The following ABR variants were observed in gnomAD, a reference collection of about 807,000 sequenced individuals.
ABR encodes active breakpoint cluster region-related protein.
A neutral mutation model predicts 107.2 loss-of-function variants in ABR; 35 were observed. That is an observed-to-expected ratio of 0.33 (90% CI 0.25 to 0.43). The LOEUF (loss-of-function observed/expected upper bound fraction) is 0.43, where lower values mean the gene tolerates loss of function less well. Ranked by LOEUF, ABR falls within the 20% of genes least tolerant of loss-of-function variation. The pLI is 1.00. For synonymous variants in ABR, 498 were observed against 462.0 expected (o/e 1.08, Z -1.00); for missense variants, 815 against 1,115.2 (o/e 0.73, Z 3.83).
upstream of ABR, among the ~76,000 whole-genome samples, chr17:1,190,099 G>A (rs1229671352): frequency 6.6e-6 from 1 of 152,134 alleles, no homozygotes; most frequent in Non-Finnish European, 1.5e-5. Context: ...TGGGATTTGG[G>A]GTGGGAGAAT....
intron 16 of ABR, among the ~76,000 whole-genome samples, chr17:1,019,249 C>G (rs2071436624): frequency 6.6e-6 from 1 of 152,232 alleles, no homozygotes; most frequent in African/African-American, 2.4e-5. Context: ...TCCAGAGAGC[C>G]TTCTCGGAGA....
At chr17:1,170,944 A>G (rs2041688062) in intron 1 of ABR, among the ~76,000 whole-genome samples, 2 of 152,136 alleles carry the variant, frequency 1.3e-5, no homozygotes, top group African/African-American at 4.8e-5. Context: ...GCACTCTTGC[A>G]TAGCACACAC....
At chr17:1,031,394 C>T (rs2072731995) in intron 16 of ABR, among the ~76,000 whole-genome samples, 1 of 152,198 alleles carries the variant, frequency 6.6e-6, no homozygotes, top group African/African-American at 2.4e-5. Context: ...TGCCCGAGCG[C>T]CAGGGTCCGG....
chr17:1,015,420 GA>G lies in ABR; in HGVS notation c.1792-2257del, dbSNP rs534410630. Among the ~76,000 whole-genome samples, 70 of 131,592 alleles carry G rather than the reference GA, an allele frequency of 5.3e-4. 1 individual carries two copies. Among genetic ancestry groups the G allele is most frequent in the South Asian group, 1.2e-3 (5 of 4,076 alleles). 86.3% of individuals were successfully genotyped at this position (131,592 alleles called of 152,430 possible). A position where few individuals can be genotyped will look rare whatever the true frequency, so the allele number is the denominator to read the frequency against. On this transcript the variant is annotated intron_variant, in intron 16 of 22. Transcript: ENST00000302538. ...GCGACAGAGTGAGACCCTGTCTCAAGAAAAAAAAAAAAAAAGTAAGCCGACA... is the reference window on the plus strand; with the variant it reads ...GCGACAGAGTGAGACCCTGTCTCAAGAAAAAAAAAAAAAAGTAAGCCGACA...
rs138456367 is a variant in ABR at position 1,029,558 on chromosome 17, G to A, written c.1792-16394C>T. Among the ~76,000 whole-genome samples the A allele has an allele frequency of 7.6e-4, 116 of 152,254 alleles. 1 individual carries two copies. In the East Asian group the frequency reaches 0.019, roughly 25 times the overall value. Reference sequence around the variant, plus strand: ...CAGCATCACTCAGGGCAAAGTTAACGAGGAGTTAATGAGGCAATCCCTCCT... The same window carrying A: ...CAGCATCACTCAGGGCAAAGTTAACAAGGAGTTAATGAGGCAATCCCTCCT... On this transcript the variant is annotated intron_variant, in intron 16 of 22. Coordinates refer to ENST00000302538, the MANE Select transcript of ABR (RefSeq NM_021962.5).
At chr17:1,019,531 G>A (rs1214207655) in intron 16 of ABR, among the ~76,000 whole-genome samples, 1 of 152,080 alleles carries the variant, frequency 6.6e-6, no homozygotes, top group Non-Finnish European at 1.5e-5. Context: ...GCTCAGAGAG[G>A]CCTGCCTGGC....
intron 1 of ABR, among the ~76,000 whole-genome samples, chr17:1,199,702 C>G (rs2042637343): frequency 6.6e-6 from 1 of 152,170 alleles, no homozygotes; most frequent in African/African-American, 2.4e-5. Context: ...ATCCACCCAC[C>G]TCAGCTGCCC....
In ABR at chr17:1,204,934, C is replaced by G. The variant is rs549858348; in HGVS notation, c.838+23859G>C. ...TTTTTTTTTTTTTGAGACTGAGTCT[C>G]GCGCTATCACCCAGGCTGGAGTGCA... On this transcript the variant is annotated intron_variant, in intron 1 of 22. Transcript: ENST00000574139. Among the ~76,000 whole-genome samples, 5 of 121,928 alleles carry G rather than the reference C, an allele frequency of 4.1e-5. No individual in the cohort carries two copies. The South Asian group carries it at 1.3e-3, about 32-fold the overall frequency. The allele number at this position is 121,928 out of a possible 152,430, so 80.0% of individuals were successfully genotyped here.
intron 16 of ABR, among the ~76,000 whole-genome samples, chr17:1,020,532 GGTTGAAATGGGGCTCC>G (rs1382762839): frequency 2.6e-5 from 4 of 152,230 alleles, no homozygotes; most frequent in African/African-American, 9.6e-5. Flanking sequence ...AGGGGCACCG[GGTTGAAATGGGGCTCC>G]GTCACCTCCG....
chr17:1,228,957 G>C (rs1162576685), exon 1 of ABR: 2 of 151,194 alleles, frequency 1.3e-5, no homozygotes, highest in Non-Finnish European at 3.0e-5. Context: ...GGCGAGGGGC[G>C]AGCCCGGGCG....
chr17:1,046,683 G>T (rs1451299957), intron 16 of ABR, among the ~76,000 whole-genome samples: 1 of 152,216 alleles, frequency 6.6e-6, no homozygotes. Flanking sequence ...ACGGCCCTCT[G>T]TCCGGGCTGG....
In ABR at chr17:1,179,732, C is replaced by G. The variant is rs770879461; in HGVS notation, c.-5G>C. The G allele has an allele frequency of 7.1e-7, 1 of 1,408,216 alleles. No individual in the cohort carries two copies. The highest frequency in any genetic ancestry group is 1.5e-5 in the African/African-American group (1 of 65,654). The allele number at this position is 1,408,216 out of a possible 1,614,324, so 87.2% of individuals were successfully genotyped here. A position where few individuals can be genotyped will look rare whatever the true frequency, so the allele number is the denominator to read the frequency against. ...CCGGTGGCTGAGCGGCTCCATCCCG[C>G]GGCGGCGGCTCGGTCAGATCCGAAA... is the stretch of plus-strand genomic sequence containing the variant. On this transcript the variant is annotated 5_prime_UTR_variant, in exon 1 of 23. Transcript: ENST00000302538. The surrounding 1 kb of genome is among the most constrained non-coding windows in gnomAD (Gnocchi z 4.9).
intron 1 of ABR, among the ~76,000 whole-genome samples, chr17:1,162,399 C>T (rs2041336720): frequency 6.6e-6 from 1 of 152,210 alleles, no homozygotes; most frequent in Non-Finnish European, 1.5e-5. Flanking sequence ...CCTCTCCCTG[C>T]TTCTCCATCC....
chr17:1,176,159 A>T (rs1266750666), intron 1 of ABR, among the ~76,000 whole-genome samples: 1 of 151,260 alleles, frequency 6.6e-6, no homozygotes, highest in Non-Finnish European at 1.5e-5. Flanking sequence ...TTAGGAGCAG[A>T]GAGCCACCAG....
At chr17:1,012,175 A>T in intron 18 of ABR, 190 bp from the exon 19 acceptor site, 1 of 899,342 alleles carries the variant, frequency 1.1e-6, no homozygotes, top group Non-Finnish European at 1.8e-6. Flanking sequence ...AGGCCTGCCG[A>T]AGGGGCATCG....
intron 1 of ABR, among the ~76,000 whole-genome samples, chr17:1,167,136 G>A (rs2041543336): frequency 6.6e-6 from 1 of 151,172 alleles, no homozygotes; most frequent in Non-Finnish European, 1.5e-5. Flanking sequence ...TTCTCGGGGT[G>A]AGGCAAAGCC....
Position 1,011,924 on chromosome 17 carries a change from C to T in ABR, c.2023G>A (p.Gly675Ser). Residue 675 changes from glycine (G) to serine (S), a missense_variant, in exon 19 of 23, where the codon GGT becomes AGT. Around this residue, in one of 5 missense-constraint regions of ABR, gnomAD observed 175 missense variants for 284.3 expected, o/e 0.62. Transcript: ENST00000302538. The surrounding 1 kb of genome is among the most constrained non-coding windows in gnomAD (Gnocchi z 4.8). ...RQCVEEVEKR[G>S]IEEVGIYRIS... ...CTGTAGATGCCAACCTCCTCGATAC[C>T]CCTCTTCTCCACCTCCTCCACACAC... 1 of 1,612,922 alleles carries T rather than the reference C, an allele frequency of 6.2e-7. No individual in the cohort carries two copies.
At position 1,070,479 on chromosome 17, in the gene ABR, G is replaced by A. The variant is rs141727134; in HGVS notation, c.895-389C>T. 1.3e-5 allele frequency among the ~76,000 whole-genome samples: 2 copies of A among 152,264 alleles called. No individual in the cohort carries two copies. Among genetic ancestry groups the A allele is most frequent in the East Asian group, 3.9e-4 (2 of 5,156 alleles). On this transcript the variant is annotated intron_variant, in intron 8 of 22. Transcript: ENST00000302538. This position sits in a 1 kb window ranked among gnomAD's most constrained non-coding sequence, Gnocchi z 4.2. Reference sequence around the variant, plus strand: ...AACCCTGGAGCCCCCTGCCCGGGACGACCTGGTTTCTCCACCCTGGGGCAC... The same window carrying A: ...AACCCTGGAGCCCCCTGCCCGGGACAACCTGGTTTCTCCACCCTGGGGCAC...
At chr17:1,075,808 G>A (rs922868056) in intron 6 of ABR, among the ~76,000 whole-genome samples, 5 of 152,314 alleles carry the variant, frequency 3.3e-5, no homozygotes, top group East Asian at 1.9e-4. Context: ...TTGGGAGGCC[G>A]AAGCGGGTGG....
Sources: allele counts gnomAD v4.1 joint callset (sites outside exome capture counted in the v4.1 genomes callset), GRCh38; gene constraint gnomAD v4.1.1; regional missense constraint gnomAD v4.1.1; non-coding constraint Gnocchi (gnomAD v3.1); transcripts MANE v1.5; gene names NCBI Gene and HGNC (gene_info 2026-07-23, HGNC 2026-07-21).